Variants in ZNF416 observed in about 807,000 individuals in gnomAD.
ZNF416 encodes the protein zinc finger protein 416.
A neutral mutation model predicts 10.9 loss-of-function variants in ZNF416; 5 were observed. That is an observed-to-expected ratio of 0.46 (90% confidence interval 0.24 to 0.97). The LOEUF is 0.97. ZNF416 is among the 50% of genes least tolerant of loss of function. The pLI is 0.19. For missense variants in ZNF416, 675 were observed against 715.0 expected (o/e 0.94, Z 0.64); for synonymous variants, 267 against 251.8 (o/e 1.06, Z -0.57).
Position 57,572,124 on chromosome 19 carries a change from C to G in ZNF416, c.1780G>C (p.Val594Leu). The G allele has an allele frequency of 6.2e-7, 1 of 1,607,264 alleles. No individual in the cohort carries two copies. The highest frequency in any genetic ancestry group is 8.5e-7 in the Non-Finnish European group (1 of 1,174,562). Residue 594 changes from valine to leucine, a missense_variant, in exon 4 of 4, where the codon GTT becomes CTT. By Grantham distance (32) the Val-to-Leu change is conservative (BLOSUM62 1). Transcript: ENST00000196489. The surrounding 1 kb of genome is among the most constrained non-coding windows in gnomAD (Gnocchi z 4.5). The stretch of plus-strand genomic sequence containing the variant: ...CAGGTTTGGAGTTTCAAGAGTTAAA[C>G]AATGTTAGATCTTGGGCTGTAGGGT... ...GKPYSPRSNI[V>L]
chr19:57,573,658 A>G lies in ZNF416; in HGVS notation c.246T>C (p.Ser82=). The G allele has an allele frequency of 6.2e-7, 1 of 1,614,102 alleles. No individual in the cohort carries two copies. The highest frequency in any genetic ancestry group is 8.5e-7 in the Non-Finnish European group (1 of 1,179,944). ...CCTGAGGTACTCCTTCTACAGAAAC[A>G]CTTTGCTCAGGTGTCTCTTCATCCT... ...GMEDEETPEQ[S]VSVEGVPQVR... is the part of the protein sequence containing the mutation. Residue 82 remains serine (S), a synonymous_variant, in exon 4 of 4, where the codon AGT becomes AGC. Transcript: ENST00000196489.
intron 2 of ZNF416, among the ~76,000 whole-genome samples, chr19:57,577,235 A>G (rs1285207316): frequency 1.3e-5 from 2 of 152,030 alleles, no homozygotes; most frequent in Non-Finnish European, 1.5e-5. Flanking sequence ...GAAACATCTC[A>G]GACTCTAAAA....
intron 3 of ZNF416, 150 bp from the exon 4 acceptor site, chr19:57,573,851 T>C (rs1053502318): frequency 3.1e-6 from 3 of 971,096 alleles, no homozygotes; most frequent in African/African-American, 1.7e-5. Context: ...GTCTGGGCAA[T>C]ATGGTGAAAC....
At position 57,572,589 on chromosome 19, in the gene ZNF416, C is replaced by G. The variant is rs1255634660; in HGVS notation, c.1315G>C (p.Glu439Gln). ...AAGGATTTTCCGCACTCATCACACT[C>G]AAAGGGCCTAGCTCCACTGTGAATT... The part of the protein sequence containing the change: ...QLIHSGARPF[E>Q]CDECGKSFSQ... Residue 439 changes from glutamate (E) to glutamine (Q), a missense_variant, in exon 4 of 4, where the codon GAG (glutamate) becomes CAG (glutamine). Transcript: ENST00000196489. This position sits in a 1 kb window ranked among gnomAD's most constrained non-coding sequence, Gnocchi z 4.5. 1.9e-6 allele frequency: 3 copies of G among 1,614,028 alleles called. No individual in the cohort carries two copies. The highest frequency in any genetic ancestry group is 1.1e-5 in the South Asian group (1 of 91,088).
At chr19:57,577,999 T>C (rs2123399510) in intron 2 of ZNF416, 58 bp downstream of exon 2, 1 of 1,589,478 alleles carries the variant, frequency 6.3e-7, no homozygotes, top group East Asian at 2.2e-5. Flanking sequence ...CAGAACACAA[T>C]CTCAGAGACA....
intron 2 of ZNF416, among the ~76,000 whole-genome samples, chr19:57,577,097 T>C (rs1450513109): frequency 6.6e-6 from 1 of 152,102 alleles, no homozygotes; most frequent in East Asian, 1.9e-4. Flanking sequence ...CTCCTAATTG[T>C]GTCCCAAGCT....
Position 57,572,361 on chromosome 19 carries a change from T to G in ZNF416, c.1543A>C (p.Ile515Leu), listed in dbSNP as rs979395334. ...QSYTLVEHQK[I>L]HTGLRPYDCG... is the part of the protein sequence containing the mutation. ...TCGTAAGGCCTTAATCCAGTGTGAA[T>G]TTTCTGGTGTTCAACGAGGGTATAG... The change falls in exon 4 of 4, where the codon ATT (isoleucine) becomes CTT (leucine). Residue 515 changes from isoleucine to leucine, a missense_variant. Physicochemically the swap from Ile to Leu is conservative, Grantham distance 5 (BLOSUM62 2). Coordinates refer to ENST00000196489, the MANE Select transcript of ZNF416 (RefSeq NM_017879.3). The surrounding 1 kb of genome is among the most constrained non-coding windows in gnomAD (Gnocchi z 4.5). 6.2e-7 allele frequency: 1 copy of G among 1,614,150 alleles called. No individual in the cohort carries two copies.
Position 57,572,041 on chromosome 19 carries a change from T to C in ZNF416, c.*78A>G, listed in dbSNP as rs975965292. On this transcript the variant is annotated 3_prime_UTR_variant, in exon 4 of 4. Transcript: ENST00000196489. This position sits in a 1 kb window ranked among gnomAD's most constrained non-coding sequence, Gnocchi z 4.5. ...AGACGGCTCCTTCACAAAGGCTCTC[T>C]ATAGCCATAACACTGAAGAAAGACA... The C allele has an allele frequency of 2.6e-6, 4 of 1,531,416 alleles. No homozygotes were observed. The highest frequency in any genetic ancestry group is 2.6e-6 in the Non-Finnish European group (3 of 1,136,230). The allele number at this position is 1,531,416 out of a possible 1,614,324, so 94.9% of individuals were successfully genotyped here.
chr19:57,578,870 G>C lies in ZNF416; in HGVS notation c.-166C>G, dbSNP rs1454649488. ...CTCAGGCGGCGTGGGCCGAGGTAGA[G>C]AACCACCAAAATTACCATCTCGGAG... On this transcript the variant is annotated 5_prime_UTR_variant, in exon 1 of 4. Coordinates refer to ENST00000196489, the MANE Select transcript of ZNF416 (RefSeq NM_017879.3). The C allele has an allele frequency of 6.8e-6, 4 of 587,366 alleles. No homozygotes were observed. The highest frequency in any genetic ancestry group is 2.0e-5 in the African/African-American group (1 of 51,110). 36.4% of individuals were successfully genotyped at this position (587,366 alleles called of 1,614,324 possible).
rs1000993940 is a variant in ZNF416 at position 57,573,504 on chromosome 19, C to T, written c.400G>A (p.Ala134Thr). 1 of 1,614,228 alleles carries T rather than the reference C, an allele frequency of 6.2e-7. No homozygotes were observed. Residue 134 changes from alanine to threonine, a missense_variant, in exon 4 of 4, where the codon GCG becomes ACG. Physicochemically the swap from Ala to Thr is moderately conservative, Grantham distance 58 (BLOSUM62 0). Coordinates refer to ENST00000196489, the MANE Select transcript of ZNF416 (RefSeq NM_017879.3). ...GQELYLTGAC[A>T]VFHQDQKHHS... ...TGCTTCTGGTCCTGGTGAAAGACCG[C>T]ACATGCCCCAGTCAAGTATAGTTCC...
Position 57,571,906 on chromosome 19 carries a change from C to G in ZNF416, c.*213G>C, listed in dbSNP as rs986465030. 7.6e-5 allele frequency: 43 copies of G among 568,572 alleles called. No homozygotes were observed. Among genetic ancestry groups the G allele is most frequent in the Non-Finnish European group, 1.2e-4 (39 of 327,904 alleles). The allele number at this position is 568,572 out of a possible 1,614,324, so 35.2% of individuals were successfully genotyped here. A position where few individuals can be genotyped will look rare whatever the true frequency, so the allele number is the denominator to read the frequency against. ...ACTAATGATTTAACTCTGGCAAAGG[C>G]CTCCAGCAGTTTAGAACATGCAAAG... On this transcript the variant is annotated 3_prime_UTR_variant, in exon 4 of 4. Coordinates refer to ENST00000196489, the MANE Select transcript of ZNF416 (RefSeq NM_017879.3).
At chr19:57,573,829 A>C in intron 3 of ZNF416, 128 bp from the exon 4 acceptor site, 1 of 1,184,684 alleles carries the variant, frequency 8.4e-7, no homozygotes, top group South Asian at 1.5e-5. Context: ...TGAGCTCAGG[A>C]GTTTGAGACC....
At position 57,578,807 on chromosome 19, in the gene ZNF416, G is replaced by T; in HGVS notation, c.-103C>A. On this transcript the variant is annotated 5_prime_UTR_variant, in exon 1 of 4. Coordinates refer to ENST00000196489, the MANE Select transcript of ZNF416 (RefSeq NM_017879.3). ...GCGACCCACCGGCTGATGCGCAGCGGGGCGACCCCCGCTCTGTGCCGGAGG... is the reference window on the plus strand; with the variant it reads ...GCGACCCACCGGCTGATGCGCAGCGTGGCGACCCCCGCTCTGTGCCGGAGG... 1 of 1,213,374 alleles carries T rather than the reference G, an allele frequency of 8.2e-7. No homozygotes were observed. Among genetic ancestry groups the T allele is most frequent in the Middle Eastern group, 2.7e-4 (1 of 3,642 alleles). The allele number at this position is 1,213,374 out of a possible 1,614,324, so 75.2% of individuals were successfully genotyped here.
chr19:57,573,337 CGGCTGAAGAA>C lies in ZNF416; in HGVS notation c.557_566del (p.Ile186SerfsTer24). The C allele has an allele frequency of 1.2e-6, 2 of 1,614,246 alleles. No homozygotes were observed. Reference sequence around the variant, plus strand: ...GCTTCTCATAGTTAGCAATAGCTTGCGGCTGAAGAATGCCCAATGGGGCTAGGAAGTCCTT... The same window carrying C: ...GCTTCTCATAGTTAGCAATAGCTTGCTGCCCAATGGGGCTAGGAAGTCCTT... On this transcript the variant is annotated frameshift_variant, in exon 4 of 4. Transcript: ENST00000196489. LOFTEE classifies it low-confidence loss of function (END_TRUNC).
At chr19:57,574,705 G>A (rs1244257439) in intron 3 of ZNF416, among the ~76,000 whole-genome samples, 5 of 152,286 alleles carry the variant, frequency 3.3e-5, no homozygotes, top group East Asian at 1.9e-4. Context: ...AACACAGGAC[G>A]TAAGAATGGG....
chr19:57,573,135 G>C lies in ZNF416; in HGVS notation c.769C>G (p.Leu257Val). 1 of 1,614,242 alleles carries C rather than the reference G, an allele frequency of 6.2e-7. No individual in the cohort carries two copies. Among genetic ancestry groups the C allele is most frequent in the Admixed American group, 1.7e-5 (1 of 60,026 alleles). ...CGKACCCECSLVQLQRVHPGE... is the reference protein window; with the variant it reads ...CGKACCCECSVVQLQRVHPGE... ...GGGTGGACTCTTTGCAGCTGAACAA[G>C]GGAGCACTCACAGCAGCAGGCTTTC... The change falls in exon 4 of 4, where the codon CTT becomes GTT. Residue 257 changes from leucine (L) to valine (V), a missense_variant. Transcript: ENST00000196489.
chr19:57,574,888 G>C (rs148089930), intron 3 of ZNF416, among the ~76,000 whole-genome samples: 1 of 152,282 alleles, frequency 6.6e-6, no homozygotes, highest in East Asian at 1.9e-4. Context: ...TTGTGTTCAA[G>C]AAATATTTAA....
In ZNF416 at chr19:57,572,537, T is replaced by C. The variant is rs753904201; in HGVS notation, c.1367A>G (p.His456Arg). The C allele has an allele frequency of 6.2e-7, 1 of 1,614,068 alleles. No individual in the cohort carries two copies. The highest frequency in any genetic ancestry group is 1.7e-5 in the Admixed American group (1 of 60,012). ...SFSQRTTLNK[H>R]HKVHTAERPY... Reference sequence around the variant, plus strand: ...CCTTTCTGCAGTGTGAACTTTGTGGTGTTTATTGAGGGTGGTTCTTTGGCT... The same window carrying C: ...CCTTTCTGCAGTGTGAACTTTGTGGCGTTTATTGAGGGTGGTTCTTTGGCT... Residue 456 changes from histidine (H) to arginine (R), a missense_variant, in exon 4 of 4, where the codon CAC (histidine) becomes CGC (arginine). Coordinates refer to ENST00000196489, the MANE Select transcript of ZNF416 (RefSeq NM_017879.3). The surrounding 1 kb of genome is among the most constrained non-coding windows in gnomAD (Gnocchi z 4.5).
In ZNF416 at chr19:57,578,883, T is replaced by G; in HGVS notation, c.-179A>C. The stretch of plus-strand genomic sequence containing the variant: ...GGCCGAGGTAGAGAACCACCAAAAT[T>G]ACCATCTCGGAGCGGTGCCGGAAGT... On this transcript the variant is annotated 5_prime_UTR_variant, in exon 1 of 4. Coordinates refer to ENST00000196489, the MANE Select transcript of ZNF416 (RefSeq NM_017879.3). 2.0e-6 allele frequency: 1 copy of G among 506,330 alleles called. No homozygotes were observed. Among genetic ancestry groups the G allele is most frequent in the Non-Finnish European group, 3.3e-6 (1 of 301,882 alleles). The allele number at this position is 506,330 out of a possible 1,614,324, so 31.4% of individuals were successfully genotyped here.
Sources: gnomAD v4.1 joint callset for allele counts (sites outside exome capture counted in the v4.1 genomes callset) on GRCh38, gnomAD v4.1.1 for gene constraint, Gnocchi (gnomAD v3.1) non-coding constraint, MANE v1.5 for transcripts, NCBI Gene and HGNC (gene_info 2026-07-23, HGNC 2026-07-21) for gene names.